Variants in CHST11 observed in about 807,000 individuals in gnomAD.
The protein encoded by CHST11 is C4S-1.
Under a neutral mutation model 30.4 loss-of-function variants are expected in CHST11, and 9 were observed. That is an observed-to-expected ratio of 0.30 (90% CI 0.18 to 0.52). The LOEUF (loss-of-function observed/expected upper bound fraction) is 0.52. Ranked by LOEUF, CHST11 falls within the 20% of genes least tolerant of loss-of-function variation. The probability of loss-of-function intolerance (pLI) is 0.97; values close to 1 mark genes in which losing one functional copy is unlikely to be tolerated. For synonymous variants in CHST11, 152 were observed against 187.8 expected (o/e 0.81, Z 1.56); for missense variants, 348 against 460.6 (o/e 0.76, Z 2.24).
At chr12:104,576,924 C>G (rs991603349) in intron 1 of CHST11, among the ~76,000 whole-genome samples, 1 of 152,018 alleles carries the variant, frequency 6.6e-6, no homozygotes, top group African/African-American at 2.4e-5. Flanking sequence ...GAGGCCATGT[C>G]GGGTGGGGAC....
At chr12:104,712,889 G>A (rs926295985) in intron 2 of CHST11, among the ~76,000 whole-genome samples, 4 of 152,040 alleles carry the variant, frequency 2.6e-5, no homozygotes, top group Admixed American at 1.3e-4. Flanking sequence ...AAAGTCTTCC[G>A]TTATTTGGCT....
intron 2 of CHST11, among the ~76,000 whole-genome samples, chr12:104,623,889 T>G (rs2039186114): frequency 6.6e-6 from 1 of 152,208 alleles, no homozygotes; most frequent in African/African-American, 2.4e-5. Context: ...TTCCCGTTGC[T>G]GTCATGTGAT....
chr12:104,753,380 T>C (rs2040449891), intron 2 of CHST11, among the ~76,000 whole-genome samples: 1 of 152,242 alleles, frequency 6.6e-6, no homozygotes, highest in South Asian at 2.1e-4. Context: ...GAGCATTACC[T>C]GGCTCACAAC....
At chr12:104,525,919 C>T (rs76975339) in intron 1 of CHST11, among the ~76,000 whole-genome samples, 2,336 of 104,938 alleles carry the variant, frequency 0.022, 70 homozygotes, top group East Asian at 0.19. Context: ...TGGTGGGAAA[C>T]GTTTGTATGT....
intron 1 of CHST11, among the ~76,000 whole-genome samples, chr12:104,598,339 C>T (rs1247889670): frequency 2.6e-5 from 4 of 152,118 alleles, no homozygotes; most frequent in Non-Finnish European, 5.9e-5. Context: ...AGGGAGGGTC[C>T]GAACCTTCGC....
chr12:104,503,771 A>G (rs1479958657), intron 1 of CHST11, among the ~76,000 whole-genome samples: 1 of 152,136 alleles, frequency 6.6e-6, no homozygotes, highest in South Asian at 2.1e-4. Context: ...CACGGGACAC[A>G]GTTAGTACCC....
intron 2 of CHST11, among the ~76,000 whole-genome samples, chr12:104,615,278 A>C (rs1592795188): frequency 1.3e-5 from 2 of 152,020 alleles, no homozygotes; most frequent in African/African-American, 4.8e-5. Context: ...AGTCGTTTTG[A>C]GTATTGGAGA....
intron 2 of CHST11, among the ~76,000 whole-genome samples, chr12:104,606,325 G>A (rs761300818): frequency 6.6e-5 from 10 of 151,990 alleles, no homozygotes; most frequent in African/African-American, 7.3e-5. Context: ...CAGGAAGCAG[G>A]ATGAGGAGGA....
At chr12:104,581,561 C>T (rs552088303) in intron 1 of CHST11, among the ~76,000 whole-genome samples, 1 of 152,278 alleles carries the variant, frequency 6.6e-6, no homozygotes, top group African/African-American at 2.4e-5. Context: ...TTTAAAGGAA[C>T]ACTGCCTGGG....
intron 2 of CHST11, among the ~76,000 whole-genome samples, chr12:104,682,466 T>C (rs1045411261): frequency 1.3e-5 from 2 of 152,232 alleles, no homozygotes; most frequent in African/African-American, 4.8e-5. Context: ...GTTATGGTTG[T>C]ATTTTAGTTG....
chr12:104,686,894 C>A (rs1488145356), intron 2 of CHST11, among the ~76,000 whole-genome samples: 1 of 152,180 alleles, frequency 6.6e-6, no homozygotes, highest in Non-Finnish European at 1.5e-5. Flanking sequence ...GTGATCCACC[C>A]ACCTCAGCCT....
intron 1 of CHST11, among the ~76,000 whole-genome samples, chr12:104,463,276 T>C (rs977639363): frequency 6.6e-5 from 10 of 152,004 alleles, no homozygotes. Flanking sequence ...ATTCTGCTGA[T>C]TCATTTTTTT....
At chr12:104,699,536 G>A (rs2039974626) in intron 2 of CHST11, among the ~76,000 whole-genome samples, 1 of 152,152 alleles carries the variant, frequency 6.6e-6, no homozygotes, top group African/African-American at 2.4e-5. Flanking sequence ...GGACAGCACT[G>A]GTCTCAATTG....
chr12:104,536,233 AC>A (rs1288039650), intron 1 of CHST11, among the ~76,000 whole-genome samples: 1 of 152,224 alleles, frequency 6.6e-6, no homozygotes, highest in African/African-American at 2.4e-5. Context: ...ATTTGCTCAA[AC>A]CCTTTCAAGA....
At chr12:104,692,861 CT>C (rs1474997593) in intron 2 of CHST11, among the ~76,000 whole-genome samples, 2 of 149,718 alleles carry the variant, frequency 1.3e-5, no homozygotes, top group African/African-American at 4.9e-5. Context: ...AACCCCGCCC[CT>C]CCCACCCCCA....
At chr12:104,653,720 T>A (rs546082432) in intron 2 of CHST11, among the ~76,000 whole-genome samples, 4 of 152,186 alleles carry the variant, frequency 2.6e-5, no homozygotes, top group Non-Finnish European at 5.9e-5. Context: ...CAACCCTATA[T>A]GCAGAAACCT....
At chr12:104,714,236 GCC>G (rs1393916202) in intron 2 of CHST11, among the ~76,000 whole-genome samples, 1 of 152,182 alleles carries the variant, frequency 6.6e-6, no homozygotes, top group East Asian at 1.9e-4. Flanking sequence ...TATCACTGAG[GCC>G]CCCTCCCTTT....
intron 2 of CHST11, among the ~76,000 whole-genome samples, chr12:104,732,698 A>G (rs2040267149): frequency 6.6e-6 from 1 of 152,188 alleles, no homozygotes. Flanking sequence ...TCAGTCAGGT[A>G]TCCGATTGGT....
At chr12:104,573,088 C>T (rs986467078) in intron 1 of CHST11, among the ~76,000 whole-genome samples, 9 of 152,212 alleles carry the variant, frequency 5.9e-5, no homozygotes, top group African/African-American at 1.9e-4. Context: ...AGAGCCAAAT[C>T]ATGAGTGAAC....
Sources: gnomAD v4.1 joint callset for allele counts (sites outside exome capture counted in the v4.1 genomes callset) on GRCh38, gnomAD v4.1.1 for gene constraint, MANE v1.5 for transcripts, NCBI Gene and HGNC (gene_info 2026-07-23, HGNC 2026-07-21) for gene names.